Variants in STT3B observed in about 807,000 individuals in gnomAD.
The protein encoded by STT3B is STT3 oligosaccharyltransferase complex catalytic subunit B.
STT3B carries 29 observed loss-of-function variants against 96.8 expected under a neutral mutation model. That is an observed-to-expected ratio of 0.30 (90% CI 0.22 to 0.41). The LOEUF (loss-of-function observed/expected upper bound fraction) is 0.41, where lower values mean the gene tolerates loss of function less well. Among genes scored for constraint, STT3B ranks in the 10% least tolerant of loss-of-function variants. STT3B has a pLI of 1.00. For missense variants in STT3B, 640 were observed against 1,022.3 expected (o/e 0.63, Z 5.10); for synonymous variants, 367 against 360.0 (o/e 1.02, Z -0.22).
chr3:31,542,740 T>G (rs189820827), intron 1 of STT3B, among the ~76,000 whole-genome samples: 60 of 152,252 alleles, frequency 3.9e-4, no homozygotes, highest in Non-Finnish European at 6.5e-4. Flanking sequence ...ATTCCTCAAA[T>G]GGAGATTCTT....
intron 1 of STT3B, among the ~76,000 whole-genome samples, chr3:31,541,039 T>A (rs1401818697): frequency 6.6e-6 from 1 of 152,170 alleles, no homozygotes; most frequent in Non-Finnish European, 1.5e-5. Context: ...AGAAATGGAG[T>A]ACAGAACTAT....
intron 2 of STT3B, among the ~76,000 whole-genome samples, chr3:31,578,751 G>C (rs1698313499): frequency 6.6e-6 from 1 of 151,858 alleles, no homozygotes; most frequent in Non-Finnish European, 1.5e-5. Flanking sequence ...TATTTTTCTG[G>C]ATGCTGGGGA....
At chr3:31,631,388 T>C (rs938814027) in intron 14 of STT3B, among the ~76,000 whole-genome samples, 2 of 152,208 alleles carry the variant, frequency 1.3e-5, no homozygotes, top group Non-Finnish European at 2.9e-5. Flanking sequence ...AATAATCAGT[T>C]ACCCCAGAAA....
chr3:31,579,425 G>C (rs951464718), intron 2 of STT3B, among the ~76,000 whole-genome samples: 4 of 129,034 alleles, frequency 3.1e-5, no homozygotes, highest in African/African-American at 8.8e-5. Flanking sequence ...CAAAATTGGA[G>C]TATGTTAGAA....
At chr3:31,628,758 T>C (rs1203213162) in intron 13 of STT3B, among the ~76,000 whole-genome samples, 1 of 152,106 alleles carries the variant, frequency 6.6e-6, no homozygotes, top group Non-Finnish European at 1.5e-5. Context: ...GAGATGAGGA[T>C]GGGTAATTGA....
chr3:31,602,340 C>T (rs1391673474), intron 5 of STT3B, among the ~76,000 whole-genome samples: 3 of 151,316 alleles, frequency 2.0e-5, no homozygotes, highest in African/African-American at 7.3e-5. Context: ...AGTGAAGGAA[C>T]TAAGAGGGTG....
intron 1 of STT3B, among the ~76,000 whole-genome samples, chr3:31,538,862 C>T (rs1033528979): frequency 1.3e-5 from 2 of 152,042 alleles, no homozygotes; most frequent in Non-Finnish European, 2.9e-5. Flanking sequence ...CTTCTGTTGT[C>T]CTCTTCTTAC....
intron 1 of STT3B, among the ~76,000 whole-genome samples, chr3:31,539,867 C>T (rs1697219682): frequency 6.6e-6 from 1 of 152,040 alleles, no homozygotes; most frequent in South Asian, 2.1e-4. Flanking sequence ...AAGTCTTAAG[C>T]CATGCCAGTT....
At chr3:31,561,858 G>T (rs532977440) in intron 1 of STT3B, among the ~76,000 whole-genome samples, 6 of 152,264 alleles carry the variant, frequency 3.9e-5, no homozygotes, top group African/African-American at 1.4e-4. Context: ...TTCTGTGTGT[G>T]TGTGGTAGTG....
chr3:31,550,536 C>T (rs1032886675), intron 1 of STT3B, among the ~76,000 whole-genome samples: 11 of 152,318 alleles, frequency 7.2e-5, no homozygotes, highest in African/African-American at 2.6e-4. Flanking sequence ...GAGTCTTTCC[C>T]TTCAGAGTTA....
At chr3:31,551,019 A>T (rs1175833048) in intron 1 of STT3B, among the ~76,000 whole-genome samples, 4 of 152,156 alleles carry the variant, frequency 2.6e-5, no homozygotes, top group African/African-American at 9.7e-5. Context: ...TTAGTCCTAT[A>T]AGAAAGATCT....
At chr3:31,554,488 C>G (rs1697642902) in intron 1 of STT3B, among the ~76,000 whole-genome samples, 1 of 151,964 alleles carries the variant, frequency 6.6e-6, no homozygotes, top group South Asian at 2.1e-4. Flanking sequence ...ATTTAATGGC[C>G]GTGTCAAAAA....
intron 1 of STT3B, among the ~76,000 whole-genome samples, chr3:31,540,390 T>C (rs1177579957): frequency 6.6e-6 from 1 of 152,194 alleles, no homozygotes; most frequent in African/African-American, 2.4e-5. Context: ...GAATTTTGTT[T>C]ATATTAGTAA....
chr3:31,618,796 T>C (rs528502715), intron 8 of STT3B, among the ~76,000 whole-genome samples: 26 of 152,206 alleles, frequency 1.7e-4, no homozygotes, highest in Non-Finnish European at 3.4e-4. Flanking sequence ...CTAACGAATT[T>C]GAAGGATAAC....
chr3:31,594,119 G>A (rs899785486), intron 3 of STT3B, among the ~76,000 whole-genome samples: 13 of 151,958 alleles, frequency 8.6e-5, no homozygotes, highest in Non-Finnish European at 7.4e-5. Flanking sequence ...TTATTGTCTG[G>A]GAAAAAACTC....
chr3:31,554,272 GTTC>G (rs559070794), intron 1 of STT3B, among the ~76,000 whole-genome samples: 102 of 152,176 alleles, frequency 6.7e-4, no homozygotes, highest in African/African-American at 2.3e-3. Context: ...CTTCCTGCCA[GTTC>G]TTAACTTTTT....
intron 6 of STT3B, among the ~76,000 whole-genome samples, chr3:31,616,649 G>A (rs1386620962): frequency 6.6e-6 from 1 of 151,280 alleles, no homozygotes; most frequent in Non-Finnish European, 1.5e-5. Context: ...GGAACTTAAT[G>A]TGTTAAATAG....
In STT3B at chr3:31,579,832, C is replaced by A; in HGVS notation, c.447C>A (p.Thr149=). 1 of 1,612,674 alleles carries A rather than the reference C, an allele frequency of 6.2e-7. No individual in the cohort carries two copies. The highest frequency in any genetic ancestry group is 8.5e-7 in the Non-Finnish European group (1 of 1,179,210). ...GGTVYPGLMI[T]AGLIHWILNT... ...AGGTTTACCCAGGGTTGATGATAAC[C>A]GCTGGCCTTATTCATTGGATTTTAA... The change falls in exon 3 of 16, where the codon ACC becomes ACA. Residue 149 remains threonine, a synonymous_variant. Transcript: ENST00000295770.
chr3:31,534,104 G>A (rs535329126), intron 1 of STT3B, among the ~76,000 whole-genome samples: 60 of 152,258 alleles, frequency 3.9e-4, no homozygotes, highest in Admixed American at 1.3e-3. Context: ...TCCTTACCCT[G>A]TTAGCCACTG....
Sources: gnomAD v4.1 joint callset for allele counts (sites outside exome capture counted in the v4.1 genomes callset) on GRCh38, gnomAD v4.1.1 for gene constraint, MANE v1.5 for transcripts, NCBI Gene and HGNC (gene_info 2026-07-23, HGNC 2026-07-21) for gene names.